Variants in CYB5B observed in about 807,000 individuals in gnomAD.
CYB5B encodes cytochrome b5 type B (outer mitochondrial membrane).
CYB5B carries 14 observed loss-of-function variants against 21.3 expected under a neutral mutation model. The observed-to-expected ratio is 0.66, with a 90% CI of 0.43 to 1.03. The LOEUF (loss-of-function observed/expected upper bound fraction) is 1.03, where lower values mean the gene tolerates loss of function less well. CYB5B is among the 50% of genes least tolerant of loss of function. CYB5B has a pLI of 0.00. For missense variants in CYB5B, 166 were observed against 185.1 expected (o/e 0.90, Z 0.60); for synonymous variants, 69 against 68.4 (o/e 1.01, Z -0.04).
chr16:69,428,645 A>G (rs2014673363), intron 1 of CYB5B, among the ~76,000 whole-genome samples: 1 of 151,714 alleles, frequency 6.6e-6, no homozygotes, highest in Non-Finnish European at 1.5e-5. Context: ...ATAGAGTGAG[A>G]CTCCGTCACA....
intron 3 of CYB5B, among the ~76,000 whole-genome samples, chr16:69,457,170 C>A (rs916334609): frequency 6.6e-6 from 1 of 152,104 alleles, no homozygotes; most frequent in Non-Finnish European, 1.5e-5. Flanking sequence ...CAGCATAGTA[C>A]GGTTTTGGCT....
At chr16:69,455,749 G>A (rs2014978297) in intron 3 of CYB5B, among the ~76,000 whole-genome samples, 1 of 152,004 alleles carries the variant, frequency 6.6e-6, no homozygotes, top group Admixed American at 6.6e-5. Flanking sequence ...AATTGGGTCA[G>A]TGCTTATGGT....
In CYB5B at chr16:69,456,249, C is replaced by T. The variant is rs1042491140; in HGVS notation, c.334-2844C>T. 4.6e-5 allele frequency among the ~76,000 whole-genome samples: 7 copies of T among 152,260 alleles called. No homozygotes were observed. In the South Asian group the frequency reaches 1.2e-3, roughly 27 times the overall value. On this transcript the variant is annotated intron_variant, in intron 3 of 4. Transcript: ENST00000307892. ...TGAACTCCTGGGCTCAGGTGATCCT[C>T]CTGCCTCAGCCTTCCCAGTGTTGGG... is the stretch of plus-strand genomic sequence containing the variant.
intron 1 of CYB5B, among the ~76,000 whole-genome samples, chr16:69,439,721 C>G (rs1362481943): frequency 6.6e-6 from 1 of 151,808 alleles, no homozygotes; most frequent in Non-Finnish European, 1.5e-5. Context: ...AGCGGGCCAC[C>G]ACACCCAGCT....
Position 69,465,866 on chromosome 16 carries a change from T to C in CYB5B, c.*3346T>C, listed in dbSNP as rs2015084734. On this transcript the variant is annotated 3_prime_UTR_variant, in exon 5 of 5. Coordinates refer to ENST00000307892, the MANE Select transcript of CYB5B (RefSeq NM_030579.3). ...AATATCACAGAAGTAATGAGGAGTTTAGTTACATTTGGCTGTTGTGCTCTG... is the reference window on the plus strand; with the variant it reads ...AATATCACAGAAGTAATGAGGAGTTCAGTTACATTTGGCTGTTGTGCTCTG... The C allele has an allele frequency of 6.6e-6, 1 of 152,314 alleles. No homozygotes were observed. The highest frequency in any genetic ancestry group is 1.5e-5 in the Non-Finnish European group (1 of 68,042). 9.4% of individuals were successfully genotyped at this position (152,314 alleles called of 1,614,324 possible).
At chr16:69,458,104 T>TA (rs1451472174) in intron 3 of CYB5B, among the ~76,000 whole-genome samples, 2 of 152,242 alleles carry the variant, frequency 1.3e-5, no homozygotes, top group East Asian at 3.8e-4. Context: ...ACTCGTTTGA[T>TA]ACTTGAATTG....
intron 1 of CYB5B, chr16:69,444,013 G>GC (rs1343350798): frequency 6.6e-6 from 1 of 152,340 alleles, no homozygotes; most frequent in Admixed American, 6.5e-5. Flanking sequence ...ATGCCTGAGA[G>GC]CATAGTGGGA....
intron 1 of CYB5B, among the ~76,000 whole-genome samples, chr16:69,431,872 GC>G (rs2014709851): frequency 1.3e-5 from 2 of 152,152 alleles, no homozygotes; most frequent in South Asian, 4.1e-4. Flanking sequence ...TTAAATTATG[GC>G]ACTTTTATGA....
intron 1 of CYB5B, among the ~76,000 whole-genome samples, chr16:69,438,505 C>A (rs1312905776): frequency 6.6e-6 from 1 of 151,380 alleles, no homozygotes; most frequent in Admixed American, 6.6e-5. Context: ...TTTTATATTC[C>A]CACCAGCAAT....
chr16:69,457,710 G>A (rs2014996124), intron 3 of CYB5B, among the ~76,000 whole-genome samples: 1 of 152,104 alleles, frequency 6.6e-6, no homozygotes, highest in African/African-American at 2.4e-5. Context: ...AATCATTAAA[G>A]TCTTAAAGAA....
intron 3 of CYB5B, 23 bp from the exon 4 acceptor site, chr16:69,459,070 A>ATTTTTTTT (rs34120910): frequency 7.8e-7 from 1 of 1,290,282 alleles, no homozygotes. Flanking sequence ...TTATTTTTGA[A>ATTTTTTTT]TTTTTTTTTT....
intron 1 of CYB5B, among the ~76,000 whole-genome samples, chr16:69,430,748 A>G (rs1416642370): frequency 1.3e-5 from 2 of 149,278 alleles, no homozygotes; most frequent in Non-Finnish European, 3.0e-5. Context: ...GTCTCAGCTC[A>G]CTGCAACCTC....
At chr16:69,453,051 A>G (rs1597285909) in intron 3 of CYB5B, among the ~76,000 whole-genome samples, 1 of 152,284 alleles carries the variant, frequency 6.6e-6, no homozygotes. Flanking sequence ...AGTATTCCAT[A>G]GATGAAAGTG....
intron 1 of CYB5B, among the ~76,000 whole-genome samples, chr16:69,430,727 G>A (rs939291850): frequency 2.0e-5 from 3 of 148,774 alleles, no homozygotes; most frequent in African/African-American, 7.5e-5. Flanking sequence ...AGGCTGCAGT[G>A]CAATGGCATG....
At chr16:69,443,697 A>C (rs1431164767) in intron 1 of CYB5B, 1 of 152,414 alleles carries the variant, frequency 6.6e-6, no homozygotes, top group African/African-American at 2.4e-5. Context: ...TCTACTAAAA[A>C]CACAAAAATT....
At chr16:69,435,307 AT>A (rs1242360442) in intron 1 of CYB5B, among the ~76,000 whole-genome samples, 6 of 152,204 alleles carry the variant, frequency 3.9e-5, no homozygotes. Context: ...GTTAGTGATT[AT>A]TTTTGTTTTT....
rs2142831890 is a variant in CYB5B, at chr16:69,466,251, ACT to A, written c.*3732_*3733del. ...TGTTAGAACTACACACAATAAAGAC[ACT>A]GTTTTCCTTTTCTTGCCCCGACTAC... On this transcript the variant is annotated 3_prime_UTR_variant, in exon 5 of 5. Coordinates refer to ENST00000307892, the MANE Select transcript of CYB5B (RefSeq NM_030579.3). The A allele has an allele frequency of 6.6e-6, 1 of 152,550 alleles. No homozygotes were observed. The highest frequency in any genetic ancestry group is 6.5e-5 in the Admixed American group (1 of 15,276). The allele number at this position is 152,550 out of a possible 1,614,324, so 9.4% of individuals were successfully genotyped here.
At chr16:69,447,404 T>G (rs2014888684) in intron 2 of CYB5B, 126 bp downstream of exon 2, 1 of 1,302,788 alleles carries the variant, frequency 7.7e-7, no homozygotes, top group Non-Finnish European at 1.0e-6. Flanking sequence ...TACTTTGGGA[T>G]GCCAAGGCAG....
intron 1 of CYB5B, among the ~76,000 whole-genome samples, 176 bp downstream of exon 1, chr16:69,425,033 G>T (rs1209860058): frequency 6.6e-6 from 1 of 152,198 alleles, no homozygotes; most frequent in East Asian, 1.9e-4. Context: ...TAGTTTGCAT[G>T]CATTTCCAGT....
Sources: allele counts gnomAD v4.1 joint callset (sites outside exome capture counted in the v4.1 genomes callset), GRCh38; gene constraint gnomAD v4.1.1; transcripts MANE v1.5; gene names NCBI Gene and HGNC (gene_info 2026-07-23, HGNC 2026-07-21).